CDYL: variants seen among roughly 807,000 people sequenced by gnomAD.
CDYL encodes chromodomain Y like.
A neutral mutation model predicts 47.3 loss-of-function variants in CDYL; 8 were observed. That is an observed-to-expected ratio of 0.17 (90% confidence interval 0.10 to 0.31). The LOEUF (loss-of-function observed/expected upper bound fraction) is 0.31, where lower values mean the gene tolerates loss of function less well. Ranked by LOEUF, CDYL falls within the 10% of genes least tolerant of loss-of-function variation. The probability of loss-of-function intolerance (pLI) is 1.00; values close to 1 mark genes in which losing one functional copy is unlikely to be tolerated. For synonymous variants in CDYL, 266 were observed against 265.0 expected (o/e 1.00, Z -0.04); for missense variants, 471 against 701.4 (o/e 0.67, Z 3.71).
chr6:4,902,639 A>C (rs1223125999), intron 2 of CDYL, among the ~76,000 whole-genome samples: 1 of 152,062 alleles, frequency 6.6e-6, no homozygotes, highest in Non-Finnish European at 1.5e-5. Flanking sequence ...GGAGCTAGGC[A>C]CTGCATTTAT....
chr6:4,756,412 T>A (rs564646491), intron 3 of CDYL, among the ~76,000 whole-genome samples: 1 of 152,104 alleles, frequency 6.6e-6, no homozygotes, highest in East Asian at 1.9e-4. Context: ...AAAATAAATA[T>A]CCTCCCACCT....
chr6:4,945,810 G>A (rs1404297522), intron 5 of CDYL, among the ~76,000 whole-genome samples: 3 of 152,220 alleles, frequency 2.0e-5, no homozygotes, highest in Non-Finnish European at 4.4e-5. Context: ...CAGGACTCTC[G>A]GGTCCTGTCC....
intron 1 of CDYL, among the ~76,000 whole-genome samples, chr6:4,710,839 T>A (rs1161955505): frequency 2.0e-5 from 3 of 152,006 alleles, no homozygotes; most frequent in African/African-American, 7.3e-5. Flanking sequence ...GTGGTTGAAA[T>A]AAGCATGCTG....
intron 1 of CDYL, among the ~76,000 whole-genome samples, chr6:4,813,799 A>T (rs1296173446): frequency 6.6e-6 from 1 of 151,520 alleles, no homozygotes; most frequent in African/African-American, 2.4e-5. Context: ...TCAAGACAGG[A>T]TCTTGCTCTG....
chr6:4,864,619 G>A (rs978657456), intron 1 of CDYL, among the ~76,000 whole-genome samples: 7 of 152,052 alleles, frequency 4.6e-5, no homozygotes, highest in African/African-American at 9.7e-5. Context: ...TCATGGGGCC[G>A]GTTTTTCTCA....
intron 2 of CDYL, among the ~76,000 whole-genome samples, chr6:4,895,044 T>C (rs1762178380): frequency 6.7e-6 from 1 of 150,352 alleles, no homozygotes; most frequent in South Asian, 2.1e-4. Context: ...TATGTATCTA[T>C]ATACACATGT....
At chr6:4,817,274 C>G (rs943568432) in intron 1 of CDYL, among the ~76,000 whole-genome samples, 5 of 152,128 alleles carry the variant, frequency 3.3e-5, no homozygotes, top group Middle Eastern at 3.4e-3. Context: ...TGCTCTTTCC[C>G]TCAGGCCTTT....
At chr6:4,766,726 C>T (rs1027198193) in intron 3 of CDYL, among the ~76,000 whole-genome samples, 12 of 151,934 alleles carry the variant, frequency 7.9e-5, no homozygotes, top group East Asian at 1.9e-4. Flanking sequence ...GACAAGAGGC[C>T]GGGCACAGTG....
intron 3 of CDYL, among the ~76,000 whole-genome samples, chr6:4,759,947 A>G (rs202006182): frequency 8.5e-6 from 1 of 117,548 alleles, no homozygotes; most frequent in Admixed American, 8.1e-5. Flanking sequence ...AAAAGAAAAG[A>G]AAGAAAGAAA....
chr6:4,848,125 T>G (rs1393433041), intron 1 of CDYL, among the ~76,000 whole-genome samples: 3 of 152,320 alleles, frequency 2.0e-5, no homozygotes, highest in Non-Finnish European at 4.4e-5. Context: ...TACATATGAT[T>G]CTATGAAATT....
intron 5 of CDYL, among the ~76,000 whole-genome samples, chr6:4,947,244 G>C (rs948793016): frequency 3.9e-5 from 6 of 152,212 alleles, no homozygotes; most frequent in African/African-American, 1.4e-4. Flanking sequence ...TCTAGCAAGG[G>C]GGGCTTACGT....
chr6:4,871,191 C>T (rs555377963), intron 1 of CDYL, among the ~76,000 whole-genome samples: 1 of 152,138 alleles, frequency 6.6e-6, no homozygotes, highest in Non-Finnish European at 1.5e-5. Flanking sequence ...CTCCCTGTCC[C>T]CCTTTCTTTT....
At chr6:4,734,964 G>A in intron 3 of CDYL, 1 of 1,464,698 alleles carries the variant, frequency 6.8e-7, no homozygotes, top group Admixed American at 2.5e-5. Flanking sequence ...GGTCCCTTTG[G>A]TGGTCTGGTG....
chr6:4,826,936 A>C (rs985263768), intron 1 of CDYL, among the ~76,000 whole-genome samples: 1 of 152,184 alleles, frequency 6.6e-6, no homozygotes, highest in African/African-American at 2.4e-5. Context: ...TTGTAAAGCT[A>C]TCTTTTTCCC....
At chr6:4,716,639 G>C (rs1757270391) in intron 2 of CDYL, among the ~76,000 whole-genome samples, 1 of 138,380 alleles carries the variant, frequency 7.2e-6, no homozygotes, top group Non-Finnish European at 1.5e-5. Flanking sequence ...AGGGATGCCT[G>C]AATTCTTGAC....
rs552445633 is a variant in CDYL, at chr6:4,854,353, G to A, written c.25-37360G>A. 9.9e-5 allele frequency among the ~76,000 whole-genome samples: 15 copies of A among 152,224 alleles called. No homozygotes were observed. In the South Asian group the frequency reaches 3.1e-3, roughly 32 times the overall value. ...GTTCACATCACCCTGTTTATGTTAC[G>A]CAGTTTCATACTAGTCATGTATTTA... is the stretch of plus-strand genomic sequence containing the variant. On this transcript the variant is annotated intron_variant, in intron 1 of 6. Coordinates refer to ENST00000397588, the MANE Select transcript of CDYL (RefSeq NM_004824.4).
At chr6:4,851,068 C>T (rs1365240576) in intron 1 of CDYL, among the ~76,000 whole-genome samples, 1 of 152,186 alleles carries the variant, frequency 6.6e-6, no homozygotes, top group Non-Finnish European at 1.5e-5. Context: ...GATTTGGGCG[C>T]TCACTTGGGT....
intron 2 of CDYL, among the ~76,000 whole-genome samples, chr6:4,731,517 C>T (rs1757604407): frequency 6.6e-6 from 1 of 152,138 alleles, no homozygotes; most frequent in South Asian, 2.1e-4. Flanking sequence ...TGCCTCCTGG[C>T]CGGGCATGGT....
chr6:4,710,378 AG>A (rs1757128585), intron 1 of CDYL, among the ~76,000 whole-genome samples: 1 of 140,940 alleles, frequency 7.1e-6, no homozygotes, highest in Non-Finnish European at 1.5e-5. Context: ...GGAGGGAGGG[AG>A]GGAAGGAAGG....
Sources: allele counts gnomAD v4.1 joint callset (sites outside exome capture counted in the v4.1 genomes callset), GRCh38; gene constraint gnomAD v4.1.1; transcripts MANE v1.5; gene names NCBI Gene and HGNC (gene_info 2026-07-23, HGNC 2026-07-21).